Variants in CSMD1 observed in about 807,000 individuals in gnomAD.
CSMD1 encodes the protein CUB and sushi domain-containing protein 1.
Under a neutral mutation model 417.5 loss-of-function variants are expected in CSMD1, and 213 were observed. The observed-to-expected ratio is 0.51, with a 90% confidence interval of 0.46 to 0.57. The LOEUF (loss-of-function observed/expected upper bound fraction) is 0.57. Among genes scored for constraint, CSMD1 ranks in the 20% least tolerant of loss-of-function variants. CSMD1 has a pLI of 0.00. For synonymous variants in CSMD1, 2,862 were observed against 1,736.8 expected (o/e 1.65, Z -16.11); for missense variants, 6,923 against 4,529.7 (o/e 1.53, Z -15.17).
intron 4 of CSMD1, among the ~76,000 whole-genome samples, chr8:4,029,110 T>C (rs1323857153): frequency 6.6e-6 from 1 of 152,070 alleles, no homozygotes; most frequent in African/African-American, 2.4e-5. Flanking sequence ...TCAAGGAGTG[T>C]TTGTAATTTT....
intron 10 of CSMD1, among the ~76,000 whole-genome samples, chr8:3,522,409 G>A (rs1357979770): frequency 6.6e-6 from 1 of 152,142 alleles, no homozygotes; most frequent in East Asian, 1.9e-4. Context: ...TTTCGTGTGG[G>A]GGTTTTGTAT....
At chr8:4,690,182 C>T (rs144570142) in intron 1 of CSMD1, among the ~76,000 whole-genome samples, 2 of 152,264 alleles carry the variant, frequency 1.3e-5, no homozygotes, top group African/African-American at 4.8e-5. Context: ...GTGTTATTTA[C>T]ATGTCAGTGC....
At chr8:4,367,470 T>C (rs116714597) in intron 3 of CSMD1, among the ~76,000 whole-genome samples, 1,926 of 152,298 alleles carry the variant, frequency 0.013, 34 homozygotes, top group African/African-American at 0.043. Context: ...AGTCCTGCAG[T>C]ACAGTTTGAA....
chr8:4,070,953 A>C (rs1799524047), intron 3 of CSMD1, among the ~76,000 whole-genome samples: 1 of 152,200 alleles, frequency 6.6e-6, no homozygotes, highest in East Asian at 1.9e-4. Flanking sequence ...TGTTTGATGT[A>C]AAATCAGCAA....
intron 2 of CSMD1, among the ~76,000 whole-genome samples, chr8:4,456,521 G>T (rs1276122712): frequency 6.6e-6 from 1 of 152,160 alleles, no homozygotes; most frequent in African/African-American, 2.4e-5. Flanking sequence ...AATGTTTATA[G>T]TGTTGGCACT....
chr8:4,009,913 G>A (rs1045908365), intron 4 of CSMD1, among the ~76,000 whole-genome samples: 1 of 151,988 alleles, frequency 6.6e-6, no homozygotes. Flanking sequence ...CCTGCAAAAA[G>A]CCCTGGTCTC....
At chr8:3,215,976 C>G (rs1459670395) in intron 29 of CSMD1, among the ~76,000 whole-genome samples, 1 of 149,774 alleles carries the variant, frequency 6.7e-6, no homozygotes, top group Non-Finnish European at 1.5e-5. Flanking sequence ...TATAAAGAAT[C>G]TATTATAATA....
intron 3 of CSMD1, among the ~76,000 whole-genome samples, chr8:4,282,416 T>A (rs148896453): frequency 1.3e-5 from 2 of 152,208 alleles, no homozygotes; most frequent in Non-Finnish European, 2.9e-5. Context: ...ATCCCAAGGA[T>A]GTCCTCTTCT....
chr8:3,961,391 C>T (rs1812309304), intron 5 of CSMD1, among the ~76,000 whole-genome samples: 2 of 152,192 alleles, frequency 1.3e-5, no homozygotes, highest in Admixed American at 6.5e-5. Context: ...CTCCACTGTA[C>T]ACAGTTTCAG....
rs939661102 is a variant in CSMD1 at position 4,557,425 on chromosome 8, C to T, written c.302+79917G>A. On this transcript the variant is annotated intron_variant, in intron 2 of 69. Coordinates refer to ENST00000635120, the MANE Select transcript of CSMD1 (RefSeq NM_033225.6). ...GCATAGTAATCCATCTGAAAATCTG[C>T]GAGGTTTTTTTTTTTTGAAATGAGA... 7.4e-5 allele frequency among the ~76,000 whole-genome samples: 11 copies of T among 148,346 alleles called. No homozygotes were observed. The East Asian group carries it at 9.7e-4, about 13-fold the overall frequency.
At chr8:4,787,778 T>A in intron 1 of CSMD1, 1 of 1,575,832 alleles carries the variant, frequency 6.3e-7, no homozygotes, top group Non-Finnish European at 8.7e-7. Context: ...GCTGGACTTG[T>A]TACAGGCCAG....
intron 7 of CSMD1, among the ~76,000 whole-genome samples, chr8:3,686,145 A>G (rs1468959419): frequency 6.6e-6 from 1 of 151,936 alleles, no homozygotes; most frequent in Non-Finnish European, 1.5e-5. Flanking sequence ...CTATGGGACT[A>G]TTAGGTAGGT....
chr8:4,785,584 G>GAA (rs146535036), intron 1 of CSMD1, among the ~76,000 whole-genome samples: 1,593 of 152,196 alleles, frequency 0.01, 11 homozygotes, highest in East Asian at 0.056. Flanking sequence ...GAGCCACTTG[G>GAA]AAGTCATCTG....
chr8:3,143,724 G>A lies in CSMD1; in HGVS notation c.6032-1050C>T, dbSNP rs112784959. On this transcript the variant is annotated intron_variant, in intron 40 of 69. Transcript: ENST00000635120. Reference sequence around the variant, plus strand: ...ATAAAAGAAAGCTTTACTCTGCATGGTTCTTCTGTTTTTGATAGATGAGAA... The same window carrying A: ...ATAAAAGAAAGCTTTACTCTGCATGATTCTTCTGTTTTTGATAGATGAGAA... Among the ~76,000 whole-genome samples the A allele has an allele frequency of 4.4e-3, 669 of 152,280 alleles. 7 individuals are homozygous for A. The highest frequency in any genetic ancestry group is 0.016 in the African/African-American group (648 of 41,540).
At chr8:3,756,210 G>A (rs1016295279) in intron 5 of CSMD1, among the ~76,000 whole-genome samples, 11 of 151,746 alleles carry the variant, frequency 7.2e-5, no homozygotes, top group East Asian at 2.0e-4. Context: ...AAAATTAGCC[G>A]GGCATGGTGG....
At chr8:4,788,656 C>A in intron 1 of CSMD1, 1 of 648,392 alleles carries the variant, frequency 1.5e-6, no homozygotes, top group Non-Finnish European at 2.6e-6. Flanking sequence ...GAAAATCAAG[C>A]AATATGAAAA....
At chr8:4,418,961 T>C (rs1432640927) in intron 3 of CSMD1, among the ~76,000 whole-genome samples, 1 of 152,192 alleles carries the variant, frequency 6.6e-6, no homozygotes, top group Non-Finnish European at 1.5e-5. Flanking sequence ...CCTATGTCTC[T>C]GCAAAGAGAA....
intron 1 of CSMD1, among the ~76,000 whole-genome samples, chr8:4,784,871 G>A (rs745510860): frequency 1.3e-5 from 2 of 152,144 alleles, no homozygotes; most frequent in African/African-American, 4.8e-5. Context: ...AATTTGCTGA[G>A]GTCTATTCCA....
chr8:4,211,733 G>A (rs1023316375), intron 3 of CSMD1, among the ~76,000 whole-genome samples: 4 of 152,146 alleles, frequency 2.6e-5, no homozygotes, highest in Non-Finnish European at 5.9e-5. Flanking sequence ...GTGGGGAGTT[G>A]ACAAAGAGCC....
Sources: gnomAD v4.1 joint callset for allele counts (sites outside exome capture counted in the v4.1 genomes callset) on GRCh38, gnomAD v4.1.1 for gene constraint, MANE v1.5 for transcripts, NCBI Gene and HGNC (gene_info 2026-07-23, HGNC 2026-07-21) for gene names.